The following LAMA5 variants were observed in gnomAD, a reference collection of about 807,000 sequenced individuals.
LAMA5 encodes the protein laminin subunit alpha 5.
A neutral mutation model predicts 433.4 loss-of-function variants in LAMA5; 260 were observed. That is an observed-to-expected ratio of 0.60 (90% CI 0.54 to 0.66). The LOEUF (loss-of-function observed/expected upper bound fraction) is 0.66. Ranked by LOEUF, LAMA5 falls within the 30% of genes least tolerant of loss-of-function variation. The probability of loss-of-function intolerance (pLI) is 0.00; values close to 1 mark genes in which losing one functional copy is unlikely to be tolerated. For synonymous variants in LAMA5, 2,620 were observed against 2,226.6 expected, an observed-to-expected ratio of 1.18 and a Z score of -4.97; for missense variants, 5,378 against 5,258.5, an observed-to-expected ratio of 1.02 and a Z score of -0.70.
At chr20:62,336,693 G>A (rs761127581) in intron 17 of LAMA5, 41 bp downstream of exon 17, 4 of 1,608,578 alleles carry the variant, frequency 2.5e-6, no homozygotes, top group East Asian at 2.2e-5. Flanking sequence ...CTTGGCCTGG[G>A]TCCTCACCCA....
chr20:62,343,580 A>C (rs1178511834), intron 11 of LAMA5, among the ~76,000 whole-genome samples: 1 of 152,128 alleles, frequency 6.6e-6, no homozygotes, highest in East Asian at 1.9e-4. Flanking sequence ...GTTCGAGACC[A>C]GCCTGACCAA....
At position 62,320,723 on chromosome 20, in the gene LAMA5, C is replaced by T. The variant is rs768601350; in HGVS notation, c.6648+16G>A. Reference sequence around the variant, plus strand: ...ACTGGCCCGGGTTGGGGAGGGAAGGCCAGGACGCTCAGTACCTGCAGGTCA... The same window carrying T: ...ACTGGCCCGGGTTGGGGAGGGAAGGTCAGGACGCTCAGTACCTGCAGGTCA... On this transcript the variant is annotated intron_variant, in intron 49 of 79. Transcript: ENST00000252999. 8.7e-6 allele frequency: 14 copies of T among 1,612,504 alleles called. No individual in the cohort carries two copies. The East Asian group carries it at 2.7e-4, about 31-fold the overall frequency.
At chr20:62,334,857 A>T (rs1981276833) in intron 20 of LAMA5, among the ~76,000 whole-genome samples, 164 bp downstream of exon 20, 1 of 150,822 alleles carries the variant, frequency 6.6e-6, no homozygotes, top group Admixed American at 6.6e-5. Context: ...TGGGAGCTGC[A>T]CCCCCTCTCC....
chr20:62,316,881 C>G lies in LAMA5; in HGVS notation c.7653+1G>C, dbSNP rs1986993903. The G allele has an allele frequency of 1.3e-6, 2 of 1,530,574 alleles. No homozygotes were observed. The highest frequency in any genetic ancestry group is 1.8e-6 in the Non-Finnish European group (2 of 1,137,924). The allele number at this position is 1,530,574 out of a possible 1,614,324, so 94.8% of individuals were successfully genotyped here. A position where few individuals can be genotyped will look rare whatever the true frequency, so the allele number is the denominator to read the frequency against. On this transcript the variant is annotated splice_donor_variant, in intron 56 of 79. Coordinates refer to ENST00000252999, the MANE Select transcript of LAMA5 (RefSeq NM_005560.6). LOFTEE classifies it high-confidence loss of function. ...GGCTGAGGGGAAGTGAGGGGCCTCA[C>G]CGCCCACGTGTGGTCCGCCTGCTGC...
chr20:62,324,293 C>G lies in LAMA5; in HGVS notation c.5644-89G>C, dbSNP rs1601326548. ...GCTCCCACCACCCCTGCCTCAGACT[C>G]TGTGCCCAAGGCCAGATGGTCCCCC... On this transcript the variant is annotated intron_variant, in intron 42 of 79. Transcript: ENST00000252999. The surrounding 1 kb of genome is among the most constrained non-coding windows in gnomAD (Gnocchi z 4.4). The G allele has an allele frequency of 1.3e-6, 2 of 1,527,510 alleles. No homozygotes were observed. Among genetic ancestry groups the G allele is most frequent in the Non-Finnish European group, 1.8e-6 (2 of 1,132,102 alleles). 94.6% of individuals were successfully genotyped at this position (1,527,510 alleles called of 1,614,324 possible).
In LAMA5 at chr20:62,334,510, A is replaced by G; in HGVS notation, c.2582+12T>C. ...CCCGCTCCCCACCACCCAGTGGGGA[A>G]GGGGTACCCACTCGCTGCAGGTGGG... is the stretch of plus-strand genomic sequence containing the variant. On this transcript the variant is annotated intron_variant, in intron 21 of 79. Transcript: ENST00000252999. 1 of 1,544,452 alleles carries G rather than the reference A, an allele frequency of 6.5e-7. No individual in the cohort carries two copies. The highest frequency in any genetic ancestry group is 2.4e-5 in the East Asian group (1 of 40,886).
rs747836390 is a variant in LAMA5, at chr20:62,312,737, A to G, written c.9122T>C (p.Val3041Ala). The G allele has an allele frequency of 1.6e-5, 26 of 1,595,114 alleles. No individual in the cohort carries two copies. Among genetic ancestry groups the G allele is most frequent in the African/African-American group, 4.0e-5 (3 of 74,222 alleles). The change falls in exon 67 of 80, where the codon GTG becomes GCG. Residue 3041 changes from valine (V) to alanine (A), a missense_variant. By Grantham distance (64) the Val-to-Ala change is moderately conservative. Transcript: ENST00000252999. ...GTACACCGTGGCCCGCTCCACACGC[A>G]CCAGCACACGCTTGCGGCTGCCCCC... ...LLGGSRKRVL[V>A]RVERATVYSV...
intron 5 of LAMA5, 47 bp from the exon 6 acceptor site, chr20:62,351,848 C>A: frequency 6.3e-7 from 1 of 1,580,342 alleles, no homozygotes; most frequent in Non-Finnish European, 8.6e-7. Flanking sequence ...GCCTCACTCA[C>A]CCTGAGTCCC....
chr20:62,366,312 AGGGGGTCT>A, intron 1 of LAMA5, among the ~76,000 whole-genome samples: 1 of 152,126 alleles, frequency 6.6e-6, no homozygotes, highest in Non-Finnish European at 1.5e-5. Flanking sequence ...CATGCACCCC[AGGGGGTCT>A]TCAGGGCCTG....
chr20:62,343,428 C>G (rs1420903052), intron 11 of LAMA5, among the ~76,000 whole-genome samples: 1 of 152,092 alleles, frequency 6.6e-6, no homozygotes, highest in African/African-American at 2.4e-5. Context: ...AAAGCTCCCC[C>G]CCAAAATAAG....
In LAMA5 at chr20:62,329,842, G is replaced by A. The variant is rs747519715; in HGVS notation, c.4054C>T (p.Leu1352=). 1 of 1,612,454 alleles carries A rather than the reference G, an allele frequency of 6.2e-7. No individual in the cohort carries two copies. The highest frequency in any genetic ancestry group is 8.5e-7 in the Non-Finnish European group (1 of 1,179,834). ...TLVVCEGQAL[L]DVTHSELTVT... ...GTGAGCTCGCTGTGGGTCACGTCCA[G>A]CAGGGCCTGGCCCTCACACACCACC... Residue 1352 remains leucine, a synonymous_variant, in exon 32 of 80, where the codon CTG becomes TTG. Transcript: ENST00000252999.
In LAMA5 at chr20:62,313,188, G is replaced by C. The variant is rs540670686; in HGVS notation, c.8855C>G (p.Ala2952Gly). The C allele has an allele frequency of 1.9e-6, 3 of 1,574,126 alleles. No homozygotes were observed. Among genetic ancestry groups the C allele is most frequent in the Non-Finnish European group, 2.6e-6 (3 of 1,164,628 alleles). Reference sequence around the variant, plus strand: ...GATCTGACTGTCGAAGCTGATGCGGGCGAAGCCGGTGCCGTCCAGGTAGGA... The same window carrying C: ...GATCTGACTGTCGAAGCTGATGCGGCCGAAGCCGGTGCCGTCCAGGTAGGA... ...DGSYLDGTGF[A>G]RISFDSQIST... is the part of the protein sequence containing the mutation. Residue 2952 changes from alanine (A) to glycine (G), a missense_variant, in exon 65 of 80, where the codon GCC becomes GGC. By Grantham distance (60) the Ala-to-Gly change is moderately conservative (BLOSUM62 0). Transcript: ENST00000252999.
chr20:62,319,329 C>T (rs561829671), intron 51 of LAMA5, among the ~76,000 whole-genome samples: 5 of 152,284 alleles, frequency 3.3e-5, no homozygotes, highest in South Asian at 2.1e-4. Flanking sequence ...CACCCCCTGC[C>T]GACCCCCAGG....
rs1414681193 is a variant in LAMA5 at position 62,332,600 on chromosome 20, C to T, written c.3400G>A (p.Ala1134Thr). The T allele has an allele frequency of 8.1e-6, 13 of 1,595,234 alleles. No individual in the cohort carries two copies. In the South Asian group the frequency reaches 1.0e-4, roughly 12 times the overall value. ...VGVAVHTPQR[A>T]PQQGLLSLHP... ...AGGGAGAGCAGCCCCTGCTGGGGGG[C>T]CCGCTGTGGGGTGTGCACGGCCACG... The change falls in exon 27 of 80, where the codon GCC becomes ACC. Residue 1134 changes from alanine (A) to threonine (T), a missense_variant. Coordinates refer to ENST00000252999, the MANE Select transcript of LAMA5 (RefSeq NM_005560.6).
chr20:62,341,961 CA>C (rs1482268256), intron 11 of LAMA5, among the ~76,000 whole-genome samples: 2 of 151,926 alleles, frequency 1.3e-5, no homozygotes, highest in African/African-American at 4.8e-5. Context: ...AAAATCCAAA[CA>C]AAATACACAA....
rs771478881 is a variant in LAMA5 at position 62,325,459 on chromosome 20, G to A, written c.5386C>T (p.Arg1796Cys). The A allele has an allele frequency of 9.3e-6, 15 of 1,612,390 alleles. No homozygotes were observed. The highest frequency in any genetic ancestry group is 5.0e-5 in the Admixed American group (3 of 59,980). The change falls in exon 41 of 80, where the codon CGT becomes TGT. Residue 1796 changes from arginine to cysteine, a missense_variant. Transcript: ENST00000252999. ...GAGGAGATCTGTGAGAAGAGGGCACGGATCTGCAGCTGCTCCAGGCTGGCC... is the reference window on the plus strand; with the variant it reads ...GAGGAGATCTGTGAGAAGAGGGCACAGATCTGCAGCTGCTCCAGGCTGGCC... ...VLASLEQLQI[R>C]ALFSQISSAV...
At position 62,327,408 on chromosome 20, in the gene LAMA5, T is replaced by C; in HGVS notation, c.4939-2A>G. 1 of 1,587,976 alleles carries C rather than the reference T, an allele frequency of 6.3e-7. No individual in the cohort carries two copies. Among genetic ancestry groups the C allele is most frequent in the South Asian group, 1.1e-5 (1 of 87,558 alleles). ...CACCCATCCCTCCATATCCACGAAC[T>C]GTGGGCACACACGTGTGGCTGCACA... On this transcript the variant is annotated splice_acceptor_variant, in intron 37 of 79. Coordinates refer to ENST00000252999, the MANE Select transcript of LAMA5 (RefSeq NM_005560.6). LOFTEE classifies it high-confidence loss of function.
chr20:62,366,750 C>G (rs375800103), intron 1 of LAMA5, among the ~76,000 whole-genome samples, 199 bp downstream of exon 1: 9 of 152,228 alleles, frequency 5.9e-5, no homozygotes, highest in Non-Finnish European at 8.8e-5. Context: ...ACTTTAATTC[C>G]GCCTTCCCGG....
intron 2 of LAMA5, among the ~76,000 whole-genome samples, chr20:62,361,787 G>A (rs1300276649): frequency 6.6e-6 from 1 of 152,214 alleles, no homozygotes. Context: ...CAATCTGGGG[G>A]TGCTCAGGGC....
Sources: allele counts gnomAD v4.1 joint callset (sites outside exome capture counted in the v4.1 genomes callset), GRCh38; gene constraint gnomAD v4.1.1; non-coding constraint Gnocchi (gnomAD v3.1); transcripts MANE v1.5; gene names NCBI Gene and HGNC (gene_info 2026-07-23, HGNC 2026-07-21).